Variants in ACBD6 observed in about 807,000 individuals in gnomAD.
The protein encoded by ACBD6 is acyl-CoA binding domain containing 6, also known as acyl-CoA-binding domain-containing protein 6.
ACBD6 carries 28 observed loss-of-function variants against 37.2 expected under a neutral mutation model. That is an observed-to-expected ratio of 0.75 (90% CI 0.56 to 1.03). ACBD6 has a LOEUF of 1.03. ACBD6 is among the 50% of genes least tolerant of loss of function. The pLI is 0.00. For synonymous variants in ACBD6, 113 were observed against 126.8 expected (o/e 0.89, Z 0.73); for missense variants, 340 against 337.4 (o/e 1.01, Z -0.06).
chr1:180,445,576 A>G, intron 3 of ACBD6, among the ~76,000 whole-genome samples: 1 of 152,340 alleles, frequency 6.6e-6, no homozygotes, highest in Middle Eastern at 3.4e-3. Flanking sequence ...CCAATTAAAT[A>G]TAATACACTA....
chr1:180,477,787 G>A lies in ACBD6; in HGVS notation c.384+14482C>T, dbSNP rs1344157672. The stretch of plus-strand genomic sequence containing the variant: ...TAATTCAATTAATCTACTAAAATGT[G>A]TAACTGTTGTATCTGCAAAAAGCTT... On this transcript the variant is annotated intron_variant, in intron 3 of 7. Transcript: ENST00000367595. Among the ~76,000 whole-genome samples the A allele has an allele frequency of 2.0e-5, 3 of 152,082 alleles. No homozygotes were observed. The East Asian group carries it at 5.8e-4, about 29-fold the overall frequency.
rs562080699 is a variant in ACBD6, at chr1:180,351,366, C to T, written c.664-36644G>A. On this transcript the variant is annotated intron_variant, in intron 6 of 7. Coordinates refer to ENST00000367595, the MANE Select transcript of ACBD6 (RefSeq NM_032360.4). ...TCCCGGCTCACTGCAACCTCTGCCTCCTGGGTTCAAGCAATTCTCCTGCCT... is the reference window on the plus strand; with the variant it reads ...TCCCGGCTCACTGCAACCTCTGCCTTCTGGGTTCAAGCAATTCTCCTGCCT... Among the ~76,000 whole-genome samples, 4 of 151,896 alleles carry T rather than the reference C, an allele frequency of 2.6e-5. No homozygotes were observed. The South Asian group carries it at 8.3e-4, about 32-fold the overall frequency.
At chr1:180,387,979 T>C (rs969073857) in intron 6 of ACBD6, among the ~76,000 whole-genome samples, 1 of 151,518 alleles carries the variant, frequency 6.6e-6, no homozygotes, top group Non-Finnish European at 1.5e-5. Context: ...ATTGAGACCA[T>C]CCTGGTTAAC....
intron 9 of ACBD6, among the ~76,000 whole-genome samples, chr1:180,280,737 T>C (rs759717293): frequency 4.6e-5 from 7 of 152,094 alleles, no homozygotes; most frequent in African/African-American, 7.2e-5. Context: ...AGTGAAGATA[T>C]TGGTAGGGGA....
At chr1:180,292,625 T>TA (rs200582627) in intron 7 of ACBD6, among the ~76,000 whole-genome samples, 3 of 152,066 alleles carry the variant, frequency 2.0e-5, no homozygotes, top group African/African-American at 7.2e-5. Flanking sequence ...TTTTTTTTTT[T>TA]AATAGATTCT....
At chr1:180,311,235 G>A (rs185223107) in intron 7 of ACBD6, among the ~76,000 whole-genome samples, 25 of 152,124 alleles carry the variant, frequency 1.6e-4, no homozygotes, top group East Asian at 3.9e-4. Flanking sequence ...TCTCTGCATC[G>A]CTCTGATGGG....
chr1:180,441,555 C>A (rs116227139), intron 3 of ACBD6, among the ~76,000 whole-genome samples: 1 of 152,130 alleles, frequency 6.6e-6, no homozygotes, highest in Non-Finnish European at 1.5e-5. Context: ...TAATTTCTTT[C>A]GGCAATATAG....
At chr1:180,476,393 A>AT (rs1035606389) in intron 3 of ACBD6, among the ~76,000 whole-genome samples, 71 of 149,820 alleles carry the variant, frequency 4.7e-4, no homozygotes, top group South Asian at 8.4e-4. Context: ...AATGGGTTAA[A>AT]TTTTTTTTTT....
rs1197873481 is a variant in ACBD6, at chr1:180,502,473, T to TG, written c.-208dup. ...GTGCAGAGCAGGCTCCTCGACCCTCTGCCGCTCTGCCCAGTCGACCCGGTC... is the reference window on the plus strand; with the variant it reads ...GTGCAGAGCAGGCTCCTCGACCCTCTGGCCGCTCTGCCCAGTCGACCCGGTC... On this transcript the variant is annotated 5_prime_UTR_variant, in exon 1 of 8. Coordinates refer to ENST00000367595, the MANE Select transcript of ACBD6 (RefSeq NM_032360.4). 3.2e-6 allele frequency: 2 copies of TG among 617,370 alleles called. No homozygotes were observed. The highest frequency in any genetic ancestry group is 2.9e-6 in the Non-Finnish European group (1 of 345,274). The allele number at this position is 617,370 out of a possible 1,614,324, so 38.2% of individuals were successfully genotyped here. A position where few individuals can be genotyped will look rare whatever the true frequency, so the allele number is the denominator to read the frequency against.
chr1:180,460,669 C>G (rs1650111681), intron 3 of ACBD6, among the ~76,000 whole-genome samples: 1 of 152,306 alleles, frequency 6.6e-6, no homozygotes, highest in South Asian at 2.1e-4. Context: ...GGATACCTAG[C>G]AAACCACAGC....
At chr1:180,314,831 T>C (rs1488302137) in intron 6 of ACBD6, 109 bp from the exon 7 acceptor site, 6 of 824,480 alleles carry the variant, frequency 7.3e-6, no homozygotes, top group Non-Finnish European at 1.2e-5. Flanking sequence ...CATAGGTTTA[T>C]CAGACTTAGG....
intron 3 of ACBD6, among the ~76,000 whole-genome samples, chr1:180,484,211 C>T (rs1651168087): frequency 6.6e-6 from 1 of 151,982 alleles, no homozygotes; most frequent in Admixed American, 6.6e-5. Flanking sequence ...TTAGTAGTAG[C>T]CAAAAAAACA....
chr1:180,356,473 ATTG>A (rs1268501222), intron 6 of ACBD6, among the ~76,000 whole-genome samples: 2 of 151,974 alleles, frequency 1.3e-5, no homozygotes, highest in South Asian at 4.2e-4. Flanking sequence ...CACCCGGCCT[ATTG>A]TTATTATTTT....
intron 7 of ACBD6, among the ~76,000 whole-genome samples, chr1:180,291,640 A>C (rs576358353): frequency 1.2e-3 from 175 of 152,170 alleles, no homozygotes; most frequent in African/African-American, 4.2e-3. Context: ...ATTTTCTCCC[A>C]GTATATGACT....
intron 6 of ACBD6, among the ~76,000 whole-genome samples, chr1:180,335,038 G>A (rs1050054871): frequency 1.3e-5 from 2 of 152,192 alleles, no homozygotes; most frequent in Admixed American, 1.3e-4. Context: ...CTTCTGATTG[G>A]TGTACCTGAA....
At chr1:180,378,039 C>T (rs954557986) in intron 6 of ACBD6, among the ~76,000 whole-genome samples, 2 of 151,512 alleles carry the variant, frequency 1.3e-5, no homozygotes, top group Admixed American at 6.6e-5. Context: ...CTCACTCCAC[C>T]CCATATTTAT....
chr1:180,421,666 G>GT (rs1424464198), intron 4 of ACBD6, among the ~76,000 whole-genome samples: 1 of 152,074 alleles, frequency 6.6e-6, no homozygotes, highest in African/African-American at 2.4e-5. Flanking sequence ...AGAATCTGTT[G>GT]TTTTTTGACT....
intron 3 of ACBD6, chr1:180,434,893 C>A (rs1648958033): frequency 1.3e-6 from 1 of 770,066 alleles, no homozygotes; most frequent in South Asian, 1.3e-5. Context: ...AAAACAAAAT[C>A]TGAGAATGAA....
chr1:180,371,531 T>C (rs1178447524), intron 6 of ACBD6, among the ~76,000 whole-genome samples: 1 of 152,144 alleles, frequency 6.6e-6, no homozygotes, highest in Non-Finnish European at 1.5e-5. Flanking sequence ...TGAGTCCTAA[T>C]TTCTGGAGTT....
Sources: allele counts gnomAD v4.1 joint callset (sites outside exome capture counted in the v4.1 genomes callset), GRCh38; gene constraint gnomAD v4.1.1; transcripts MANE v1.5; gene names NCBI Gene and HGNC (gene_info 2026-07-23, HGNC 2026-07-21).